LEKR1: variants seen among roughly 807,000 people sequenced by gnomAD.
LEKR1 encodes protein LEKR1.
Under a neutral mutation model 72.4 loss-of-function variants are expected in LEKR1, and 59 were observed. That is an observed-to-expected ratio of 0.82 (90% CI 0.66 to 1.01). The LOEUF is 1.01. Ranked by LOEUF, LEKR1 falls within the 50% of genes least tolerant of loss-of-function variation. The pLI, the probability that LEKR1 is intolerant of heterozygous loss-of-function variation, is 0.00. For synonymous variants in LEKR1, 257 were observed against 263.2 expected (o/e 0.98, Z 0.23); for missense variants, 728 against 759.2 (o/e 0.96, Z 0.48).
At chr3:156,917,808 A>G (rs1317860333) in intron 3 of LEKR1, among the ~76,000 whole-genome samples, 2 of 152,130 alleles carry the variant, frequency 1.3e-5, no homozygotes, top group Non-Finnish European at 2.9e-5. Flanking sequence ...AATTGACATG[A>G]AAGAGAGATG....
intron 6 of LEKR1, among the ~76,000 whole-genome samples, chr3:156,974,932 C>T (rs1424553897): frequency 1.3e-5 from 2 of 152,138 alleles, no homozygotes; most frequent in Non-Finnish European, 2.9e-5. Flanking sequence ...ACAGCATATC[C>T]TCAAGGTGAG....
chr3:156,879,444 G>A (rs996173231), intron 3 of LEKR1, among the ~76,000 whole-genome samples: 3 of 152,068 alleles, frequency 2.0e-5, no homozygotes, highest in African/African-American at 7.2e-5. Flanking sequence ...AGGTTACTTG[G>A]GTGCTGTTAA....
intron 3 of LEKR1, among the ~76,000 whole-genome samples, chr3:156,919,320 C>G (rs1219501613): frequency 6.6e-6 from 1 of 152,122 alleles, no homozygotes; most frequent in African/African-American, 2.4e-5. Context: ...CTCCCCTAAT[C>G]TATAGATTGA....
At chr3:156,941,690 G>A (rs1054345156) in intron 5 of LEKR1, among the ~76,000 whole-genome samples, 3 of 152,024 alleles carry the variant, frequency 2.0e-5, no homozygotes, top group African/African-American at 7.2e-5. Context: ...TAAATCACAT[G>A]CTCATCAATT....
chr3:156,905,027 G>GT (rs1722400272), intron 3 of LEKR1, among the ~76,000 whole-genome samples: 1 of 152,114 alleles, frequency 6.6e-6, no homozygotes, highest in Non-Finnish European at 1.5e-5. Flanking sequence ...AACCTACATT[G>GT]AGTCAGTCCA....
At chr3:157,017,962 A>AAAAAAAAAG (rs1560149935) in intron 10 of LEKR1, among the ~76,000 whole-genome samples, 2 of 134,236 alleles carry the variant, frequency 1.5e-5, no homozygotes, top group African/African-American at 2.8e-5. Flanking sequence ...AAAAAAAAAA[A>AAAAAAAAAG]AAAAAAAAAA....
intron 2 of LEKR1, among the ~76,000 whole-genome samples, chr3:156,841,906 A>T (rs1576642270): frequency 6.6e-6 from 1 of 152,260 alleles, no homozygotes; most frequent in South Asian, 2.1e-4. Context: ...AGTACCACTC[A>T]CACAGCCCGA....
At chr3:156,903,821 C>G (rs937457518) in intron 3 of LEKR1, among the ~76,000 whole-genome samples, 8 of 152,152 alleles carry the variant, frequency 5.3e-5, no homozygotes, top group Non-Finnish European at 1.0e-4. Context: ...TTTCTCTAGT[C>G]CCAAGGAAAG....
At chr3:157,019,934 A>T (rs1192891349) in intron 10 of LEKR1, among the ~76,000 whole-genome samples, 2 of 152,180 alleles carry the variant, frequency 1.3e-5, no homozygotes, top group African/African-American at 2.4e-5. Context: ...AGCTTTCCTA[A>T]GTGTTTGAAA....
chr3:157,038,069 C>G (rs115929161), intron 12 of LEKR1, among the ~76,000 whole-genome samples: 3 of 152,108 alleles, frequency 2.0e-5, no homozygotes, highest in African/African-American at 7.2e-5. Context: ...CTAGGAATTT[C>G]GAACAAGGAA....
intron 6 of LEKR1, among the ~76,000 whole-genome samples, chr3:156,975,676 A>G (rs1340292371): frequency 6.6e-6 from 1 of 152,198 alleles, no homozygotes; most frequent in African/African-American, 2.4e-5. Context: ...CTATCCAGCA[A>G]ACAGCTGGCT....
At chr3:157,020,542 C>T (rs1371133115) in intron 10 of LEKR1, among the ~76,000 whole-genome samples, 5 of 147,786 alleles carry the variant, frequency 3.4e-5, no homozygotes, top group Admixed American at 2.7e-4. Flanking sequence ...GGTTTTTTGT[C>T]CTTGCGATAG....
chr3:157,013,964 A>C (rs1733105326), intron 10 of LEKR1, among the ~76,000 whole-genome samples: 1 of 152,130 alleles, frequency 6.6e-6, no homozygotes, highest in Non-Finnish European at 1.5e-5. Flanking sequence ...CAATAAGATC[A>C]ATAGTTGCTA....
intron 12 of LEKR1, among the ~76,000 whole-genome samples, chr3:157,031,428 G>T (rs1734600354): frequency 6.6e-6 from 1 of 152,198 alleles, no homozygotes; most frequent in Non-Finnish European, 1.5e-5. Context: ...GGGTAGACTA[G>T]AGTTTCCTTT....
At chr3:157,016,442 G>C (rs1227411058) in intron 10 of LEKR1, among the ~76,000 whole-genome samples, 5 of 151,988 alleles carry the variant, frequency 3.3e-5, no homozygotes, top group Admixed American at 3.3e-4. Context: ...AGAAAGTTAG[G>C]GGGGCAATGA....
At chr3:157,019,582 A>G (rs1294559220) in intron 10 of LEKR1, among the ~76,000 whole-genome samples, 1 of 152,190 alleles carries the variant, frequency 6.6e-6, no homozygotes, top group African/African-American at 2.4e-5. Context: ...GCTTTTTTAG[A>G]AATCATAATT....
intron 6 of LEKR1, among the ~76,000 whole-genome samples, chr3:156,978,731 C>A (rs929922711): frequency 6.6e-6 from 1 of 152,056 alleles, no homozygotes; most frequent in Non-Finnish European, 1.5e-5. Flanking sequence ...AGAGTTAACA[C>A]GTTCTTTACT....
At chr3:156,930,918 A>G (rs1454596744) in intron 5 of LEKR1, among the ~76,000 whole-genome samples, 1 of 152,184 alleles carries the variant, frequency 6.6e-6, no homozygotes, top group Non-Finnish European at 1.5e-5. Context: ...ATTTAGGATA[A>G]ATCATAAGCC....
rs143778468 is a variant in LEKR1 at position 157,019,040 on chromosome 3, G to A, written c.1204-5720G>A. Among the ~76,000 whole-genome samples, 367 of 152,208 alleles carry A rather than the reference G, an allele frequency of 2.4e-3. 5 individuals are homozygous for A. In the Middle Eastern group the frequency reaches 0.051, roughly 21 times the overall value. ...GTAGCTATTTCAGAAATAATCTAAA[G>A]TACTGTAATAATTTGCAATCAGTAT... On this transcript the variant is annotated intron_variant, in intron 10 of 12. Transcript: ENST00000356539.
Sources: gnomAD v4.1 joint callset for allele counts (sites outside exome capture counted in the v4.1 genomes callset) on GRCh38, gnomAD v4.1.1 for gene constraint, MANE v1.5 for transcripts, NCBI Gene and HGNC (gene_info 2026-07-23, HGNC 2026-07-21) for gene names.